EPM2A: variants seen among roughly 807,000 people sequenced by gnomAD.
EPM2A encodes the protein laforin.
A neutral mutation model predicts 26.5 loss-of-function variants in EPM2A; 21 were observed. That is an observed-to-expected ratio of 0.79 (90% confidence interval 0.56 to 1.14). The LOEUF is 1.14. EPM2A is among the 50% of genes most tolerant of loss of function. The pLI is 0.00. For missense variants in EPM2A, 458 were observed against 440.8 expected (o/e 1.04, Z -0.35); for synonymous variants, 217 against 177.6 (o/e 1.22, Z -1.76).
At chr6:145,491,076 T>C in intron 4 of EPM2A, 1 of 726,096 alleles carries the variant, frequency 1.4e-6, no homozygotes, top group Middle Eastern at 2.6e-4. Flanking sequence ...TGTGATAACA[T>C]TTGAAGTTGC....
At chr6:145,684,661 A>G (rs543887255) in intron 2 of EPM2A, 1 of 152,274 alleles carries the variant, frequency 6.6e-6, no homozygotes, top group South Asian at 2.1e-4. Flanking sequence ...CAAGCTCTCC[A>G]TAAAATTTCT....
chr6:145,703,926 G>T (rs1198719753), intron 1 of EPM2A, among the ~76,000 whole-genome samples: 1 of 152,082 alleles, frequency 6.6e-6, no homozygotes, highest in African/African-American at 2.4e-5. Flanking sequence ...TCTGATGATA[G>T]GATAAAATAG....
chr6:145,674,187 G>A (rs754664005), intron 2 of EPM2A, among the ~76,000 whole-genome samples: 1 of 152,162 alleles, frequency 6.6e-6, no homozygotes, highest in Non-Finnish European at 1.5e-5. Flanking sequence ...AACTCCAACA[G>A]ACCTGAAGCT....
chr6:145,638,115 T>C (rs377319804), intron 2 of EPM2A: 1 of 152,252 alleles, frequency 6.6e-6, no homozygotes, highest in African/African-American at 2.4e-5. Context: ...GAGAATTTCA[T>C]GACAGGCAAG....
chr6:145,528,534 A>G (rs1780310807), intron 2 of EPM2A, among the ~76,000 whole-genome samples: 1 of 152,210 alleles, frequency 6.6e-6, no homozygotes, highest in Non-Finnish European at 1.5e-5. Context: ...CTTGACTGAC[A>G]GCACATCTAT....
intron 4 of EPM2A, among the ~76,000 whole-genome samples, chr6:145,412,681 T>C (rs1233981434): frequency 2.0e-5 from 3 of 152,202 alleles, no homozygotes; most frequent in Non-Finnish European, 2.9e-5. Flanking sequence ...ATTGAACAAG[T>C]GGATTGAGGC....
chr6:145,634,565 T>G (rs1483262088), intron 3 of EPM2A: 2 of 152,704 alleles, frequency 1.3e-5, no homozygotes, highest in Non-Finnish European at 2.9e-5. Context: ...AACTGCTTCT[T>G]CCTGCTATAG....
chr6:145,729,476 G>A (rs1463594534), intron 1 of EPM2A, among the ~76,000 whole-genome samples: 3 of 152,292 alleles, frequency 2.0e-5, no homozygotes, highest in African/African-American at 7.2e-5. Flanking sequence ...ATGTTACCTG[G>A]GTGTGAGACA....
intron 2 of EPM2A, among the ~76,000 whole-genome samples, chr6:145,532,600 C>A (rs565972422): frequency 6.6e-6 from 1 of 152,142 alleles, no homozygotes; most frequent in Non-Finnish European, 1.5e-5. Context: ...TGAGTCAGGG[C>A]CGTGGCTGCA....
chr6:145,626,718 T>A lies in EPM2A; in HGVS notation c.*698A>T. 9.1e-6 allele frequency: 9 copies of A among 986,138 alleles called. No homozygotes were observed. Among genetic ancestry groups the A allele is most frequent in the Non-Finnish European group, 1.1e-5 (9 of 830,442 alleles). 61.1% of individuals were successfully genotyped at this position (986,138 alleles called of 1,614,324 possible). ...GCTCATTAAGCCTCAATTTAACTTC[T>A]TGACATCTCAACTATAAAAAACAAG... On this transcript the variant is annotated 3_prime_UTR_variant, in exon 4 of 4. Transcript: ENST00000367519.
chr6:145,723,273 T>C (rs1269690013), intron 1 of EPM2A, among the ~76,000 whole-genome samples: 1 of 152,102 alleles, frequency 6.6e-6, no homozygotes, highest in African/African-American at 2.4e-5. Flanking sequence ...TCTAAGAATA[T>C]AAAACCTCAC....
chr6:145,686,269 CAGCAACGGTCATGATG>C lies in EPM2A; in HGVS notation c.313_328del (p.His105ValfsTer17). On this transcript the variant is annotated frameshift_variant, in exon 2 of 4. Coordinates refer to ENST00000367519, the MANE Select transcript of EPM2A (RefSeq NM_005670.4). LOFTEE classifies it high-confidence loss of function. Reference sequence around the variant, plus strand: ...CACCAAGTTGTTTTCATTGTAAGTACAGCAACGGTCATGATGAGGTCCATTGCCTAGAACAAGAAAA... The same window carrying C: ...CACCAAGTTGTTTTCATTGTAAGTACAGGTCCATTGCCTAGAACAAGAAAA... The C allele has an allele frequency of 6.2e-7, 1 of 1,613,782 alleles. No homozygotes were observed. Among genetic ancestry groups the C allele is most frequent in the Non-Finnish European group, 8.5e-7 (1 of 1,179,790 alleles).
At chr6:145,566,229 T>C (rs898136886) in intron 2 of EPM2A, among the ~76,000 whole-genome samples, 7 of 152,288 alleles carry the variant, frequency 4.6e-5, no homozygotes, top group African/African-American at 1.7e-4. Flanking sequence ...CTTCACATAT[T>C]TGCTAATTTT....
At chr6:145,499,144 C>G (rs1779857397), downstream of EPM2A, among the ~76,000 whole-genome samples, 1 of 152,078 alleles carries the variant, frequency 6.6e-6, no homozygotes, top group Non-Finnish European at 1.5e-5. Flanking sequence ...TGGGTAATTT[C>G]TGAATAAAAT....
At chr6:145,494,995 C>T (rs1028617652) in intron 4 of EPM2A, among the ~76,000 whole-genome samples, 5 of 152,110 alleles carry the variant, frequency 3.3e-5, no homozygotes, top group African/African-American at 9.7e-5. Flanking sequence ...CTGTAGATAC[C>T]TATCGGGTCC....
intron 4 of EPM2A, among the ~76,000 whole-genome samples, chr6:145,387,882 T>C (rs1289338659): frequency 6.6e-6 from 1 of 151,882 alleles, no homozygotes; most frequent in Non-Finnish European, 1.5e-5. Flanking sequence ...GAGACTGTGA[T>C]AGATGCGGGA....
intron 2 of EPM2A, among the ~76,000 whole-genome samples, chr6:145,589,472 G>T (rs1164730943): frequency 6.6e-6 from 1 of 152,150 alleles, no homozygotes; most frequent in East Asian, 1.9e-4. Context: ...ATGAGAATTT[G>T]TCTGAAGACA....
At chr6:145,478,701 A>G (rs1320441298) in intron 4 of EPM2A, among the ~76,000 whole-genome samples, 1 of 151,762 alleles carries the variant, frequency 6.6e-6, no homozygotes, top group Admixed American at 6.6e-5. Flanking sequence ...CATATGTTTT[A>G]TATGTAATAT....
intron 2 of EPM2A, among the ~76,000 whole-genome samples, chr6:145,671,796 T>G (rs987367445): frequency 4.6e-5 from 7 of 152,250 alleles, no homozygotes; most frequent in Non-Finnish European, 8.8e-5. Context: ...ATTTACTGTA[T>G]AGAATTTCTT....
Sources: allele counts gnomAD v4.1 joint callset (sites outside exome capture counted in the v4.1 genomes callset), GRCh38; gene constraint gnomAD v4.1.1; transcripts MANE v1.5; gene names NCBI Gene and HGNC (gene_info 2026-07-23, HGNC 2026-07-21).